RPSA2: variants seen among roughly 807,000 people sequenced by gnomAD.
RPSA2 encodes ribosomal protein SA 2.
the RPSA2 span, among the ~76,000 whole-genome samples, chr19:23,761,931 T>TCCTTCCTTCCTTCCTTCCTTCCTTCC: frequency 3.2e-5 from 2 of 61,694 alleles, no homozygotes; most frequent in African/African-American, 7.5e-5. Flanking sequence ...TTTTTTTTTT[T>TCCTTCCTTCCTTCCTTCCTTCCTTCC]TTTTGAGATG....
chr19:23,798,362 A>C, the RPSA2 span, among the ~76,000 whole-genome samples: 2 of 152,220 alleles, frequency 1.3e-5, no homozygotes, highest in African/African-American at 4.8e-5. Context: ...TACAGTTTAT[A>C]AACTGAACAG....
chr19:23,864,937 C>T, the RPSA2 span, among the ~76,000 whole-genome samples: 3 of 152,168 alleles, frequency 2.0e-5, no homozygotes, highest in Non-Finnish European at 1.5e-5. Context: ...TCTAGAAGCT[C>T]AGGCCCTTCT....
chr19:23,865,499 C>T, the RPSA2 span, among the ~76,000 whole-genome samples: 1 of 152,078 alleles, frequency 6.6e-6, no homozygotes, highest in East Asian at 1.9e-4. Context: ...GGTCCTACTG[C>T]TGCTGTCTCT....
the RPSA2 span, among the ~76,000 whole-genome samples, chr19:23,865,918 T>C: frequency 6.6e-6 from 1 of 152,228 alleles, no homozygotes; most frequent in Non-Finnish European, 1.5e-5. Context: ...TTCAGAGCCA[T>C]GTGCCTTCCA....
the RPSA2 span, among the ~76,000 whole-genome samples, chr19:23,851,376 T>G: frequency 5.9e-5 from 9 of 152,218 alleles, no homozygotes; most frequent in South Asian, 1.9e-3. Context: ...CTTCTGAGCT[T>G]CTTGGGTTGC....
At chr19:23,832,406 G>T in the RPSA2 span, 1 of 505,620 alleles carries the variant, frequency 2.0e-6, no homozygotes, top group Non-Finnish European at 4.0e-6. Context: ...GAAGAATGTG[G>T]CAAAGCATTA....
At chr19:23,827,494 G>A in the RPSA2 span, 1 of 1,595,912 alleles carries the variant, frequency 6.3e-7, no homozygotes, top group Non-Finnish European at 8.5e-7. Context: ...TCACTAACCA[G>A]ATCCAGGCAG....
At chr19:23,821,588 C>T in the RPSA2 span, among the ~76,000 whole-genome samples, 30 of 152,320 alleles carry the variant, frequency 2.0e-4, no homozygotes, top group African/African-American at 7.2e-4. Flanking sequence ...ATTCTTAATT[C>T]TCTGCCAGCC....
chr19:23,769,714 A>T, the RPSA2 span, among the ~76,000 whole-genome samples: 19 of 152,104 alleles, frequency 1.2e-4, no homozygotes, highest in Admixed American at 1.2e-3. Flanking sequence ...AATCTAGGTG[A>T]TGTGACTCTA....
the RPSA2 span, chr19:23,799,603 AC>A: frequency 3.6e-5 from 5 of 139,610 alleles, no homozygotes; most frequent in Non-Finnish European, 6.1e-5. Flanking sequence ...ATGGTAGGAA[AC>A]AAAAGAGGAC....
At chr19:23,865,475 G>T in the RPSA2 span, among the ~76,000 whole-genome samples, 1 of 151,942 alleles carries the variant, frequency 6.6e-6, no homozygotes, top group African/African-American at 2.4e-5. Flanking sequence ...TTCTGCTTGG[G>T]GTTTGGTTCG....
the RPSA2 span, among the ~76,000 whole-genome samples, chr19:23,866,688 C>T: frequency 6.6e-6 from 1 of 152,176 alleles, no homozygotes; most frequent in South Asian, 2.1e-4. Context: ...CAGTTCAGAC[C>T]ACAACCCCAC....
chr19:23,857,166 G>A, the RPSA2 span, among the ~76,000 whole-genome samples: 1 of 152,122 alleles, frequency 6.6e-6, no homozygotes, highest in Non-Finnish European at 1.5e-5. Context: ...GCTAGGAAAA[G>A]AATTTAGCGA....
At chr19:23,759,309 G>T in the RPSA2 span, among the ~76,000 whole-genome samples, 1 of 152,090 alleles carries the variant, frequency 6.6e-6, no homozygotes, top group East Asian at 1.9e-4. Flanking sequence ...AATCTTCCTG[G>T]ATGGGCTTGA....
At chr19:23,768,649 A>G in the RPSA2 span, among the ~76,000 whole-genome samples, 63 of 34,108 alleles carry the variant, frequency 1.8e-3, 1 homozygote, top group African/African-American at 5.5e-3. Flanking sequence ...GTGCAGTGGT[A>G]CAATCTTGGC....
the RPSA2 span, among the ~76,000 whole-genome samples, chr19:23,825,789 A>T: frequency 6.6e-6 from 1 of 152,096 alleles, no homozygotes; most frequent in African/African-American, 2.4e-5. Flanking sequence ...GGGTTTCTCC[A>T]TGTTGGTCAG....
the RPSA2 span, among the ~76,000 whole-genome samples, chr19:23,801,133 C>T: frequency 6.6e-6 from 1 of 152,150 alleles, no homozygotes; most frequent in Non-Finnish European, 1.5e-5. Context: ...GCTGCTACTC[C>T]ACCCATCCAG....
the RPSA2 span, among the ~76,000 whole-genome samples, chr19:23,858,005 T>TCATCA: frequency 6.6e-6 from 1 of 152,048 alleles, no homozygotes; most frequent in Non-Finnish European, 1.5e-5. Flanking sequence ...TTTTTTTAAA[T>TCATCA]TGAAGTTACT....
At chr19:23,816,846 A>G in the RPSA2 span, among the ~76,000 whole-genome samples, 1 of 152,154 alleles carries the variant, frequency 6.6e-6, no homozygotes, top group Non-Finnish European at 1.5e-5. Flanking sequence ...CATGAGACTT[A>G]TTCACTATCA....
Sources: gnomAD v4.1 joint callset for allele counts (sites outside exome capture counted in the v4.1 genomes callset) on GRCh38, gnomAD v4.1.1 for gene constraint, MANE v1.5 for transcripts, NCBI Gene and HGNC (gene_info 2026-07-23, HGNC 2026-07-21) for gene names.